Variants in MAGI2 observed in about 807,000 individuals in gnomAD.
MAGI2 encodes membrane-associated guanylate kinase, WW and PDZ domain-containing protein 2.
In MAGI2, 35 loss-of-function variants were observed where a neutral mutation model predicts 133.3. The observed-to-expected ratio is 0.26, with a 90% CI of 0.20 to 0.35. The LOEUF (loss-of-function observed/expected upper bound fraction) is 0.35. Ranked by LOEUF, MAGI2 falls within the 10% of genes least tolerant of loss-of-function variation. MAGI2 has a pLI of 1.00. For synonymous variants in MAGI2, 729 were observed against 710.6 expected (o/e 1.03, Z -0.41); for missense variants, 1,636 against 1,863.4 (o/e 0.88, Z 2.25).
At chr7:79,104,330 G>A (rs1338611324) in intron 1 of MAGI2, among the ~76,000 whole-genome samples, 1 of 152,120 alleles carries the variant, frequency 6.6e-6, no homozygotes, top group Non-Finnish European at 1.5e-5. Flanking sequence ...ATTCTCTAGT[G>A]CTTCAAACAT....
chr7:79,402,461 A>G (rs950496703), intron 1 of MAGI2, among the ~76,000 whole-genome samples: 3 of 152,116 alleles, frequency 2.0e-5, no homozygotes, highest in Non-Finnish European at 4.4e-5. Context: ...TCCTCCTACC[A>G]CTTATTTAAA....
At chr7:79,423,908 GT>G (rs1469767764) in intron 1 of MAGI2, among the ~76,000 whole-genome samples, 2 of 152,164 alleles carry the variant, frequency 1.3e-5, no homozygotes, top group African/African-American at 4.8e-5. Context: ...TCTAGGAAGA[GT>G]TAGGAGGAAG....
At chr7:78,613,813 C>T (rs573189274) in intron 3 of MAGI2, among the ~76,000 whole-genome samples, 33 of 152,010 alleles carry the variant, frequency 2.2e-4, no homozygotes, top group Admixed American at 1.4e-3. Context: ...GCCTCTAAGA[C>T]GAATATATAC....
chr7:78,741,487 T>C (rs1295601193), intron 2 of MAGI2, among the ~76,000 whole-genome samples: 1 of 151,016 alleles, frequency 6.6e-6, no homozygotes, highest in South Asian at 2.1e-4. Context: ...ATCTGGCCTA[T>C]ACTTTAATGA....
intron 1 of MAGI2, chr7:79,415,765 G>A (rs973058650): frequency 1.3e-5 from 2 of 152,086 alleles, no homozygotes; most frequent in East Asian, 3.9e-4. Flanking sequence ...ATTATTTCTT[G>A]TTTCCTCCCT....
chr7:79,040,355 A>G (rs1466447741), intron 1 of MAGI2, among the ~76,000 whole-genome samples: 1 of 151,958 alleles, frequency 6.6e-6, no homozygotes, highest in Non-Finnish European at 1.5e-5. Flanking sequence ...TGTATAAATT[A>G]CCCAGTCTTG....
At chr7:78,448,256 T>G (rs1788356617) in intron 6 of MAGI2, among the ~76,000 whole-genome samples, 1 of 152,106 alleles carries the variant, frequency 6.6e-6, no homozygotes, top group African/African-American at 2.4e-5. Context: ...AAAGTTTTTT[T>G]GACAAGCTGA....
At chr7:78,435,545 A>G (rs1584103018) in intron 6 of MAGI2, among the ~76,000 whole-genome samples, 1 of 152,216 alleles carries the variant, frequency 6.6e-6, no homozygotes, top group East Asian at 1.9e-4. Flanking sequence ...TAAGCCAAGA[A>G]AACAAAACAC....
intron 1 of MAGI2, among the ~76,000 whole-genome samples, chr7:79,022,283 T>C (rs1185656536): frequency 3.3e-5 from 5 of 152,054 alleles, no homozygotes; most frequent in African/African-American, 1.2e-4. Flanking sequence ...GACTTCTGGG[T>C]AAACAATAAA....
chr7:78,549,462 C>T (rs928344518), intron 3 of MAGI2, among the ~76,000 whole-genome samples: 14 of 152,044 alleles, frequency 9.2e-5, no homozygotes, highest in Non-Finnish European at 1.9e-4. Context: ...AGCATCCATC[C>T]AATCTGGAGA....
intron 1 of MAGI2, among the ~76,000 whole-genome samples, chr7:79,160,680 TACATGCC>T (rs57773214): frequency 0.072 from 10,931 of 152,098 alleles, 859 homozygotes; most frequent in African/African-American, 0.19. Context: ...GTAAAGTGGA[TACATGCC>T]ACTGTAAGGT....
At chr7:78,060,386 T>A (rs1267539665) in intron 21 of MAGI2, among the ~76,000 whole-genome samples, 1 of 152,144 alleles carries the variant, frequency 6.6e-6, no homozygotes, top group African/African-American at 2.4e-5. Context: ...AACATCTTGA[T>A]AAACTGCAAG....
chr7:79,210,585 A>C (rs1340405472), intron 1 of MAGI2, among the ~76,000 whole-genome samples: 1 of 152,088 alleles, frequency 6.6e-6, no homozygotes, highest in Non-Finnish European at 1.5e-5. Context: ...AGTACCAGGC[A>C]TCAGTTGGAA....
chr7:78,040,379 G>A (rs6465970), intron 21 of MAGI2, among the ~76,000 whole-genome samples: 17,823 of 152,200 alleles, frequency 0.12, 1,226 homozygotes, highest in South Asian at 0.17. Context: ...GCGCCCCCTG[G>A]CGGCCCCTGG....
chr7:79,051,099 A>G (rs1562833432), intron 1 of MAGI2, among the ~76,000 whole-genome samples: 1 of 152,228 alleles, frequency 6.6e-6, no homozygotes, highest in Non-Finnish European at 1.5e-5. Context: ...CTTTTTTACC[A>G]AGTAGTTTGA....
chr7:78,256,540 G>A lies in MAGI2; in HGVS notation c.1450C>T (p.His484Tyr), dbSNP rs192513758. The change falls in exon 10 of 22, where the codon CAC becomes TAC. Residue 484 changes from histidine to tyrosine, a missense_variant. Physicochemically the swap from His to Tyr is moderately conservative, Grantham distance 83. Transcript: ENST00000354212. ...VYINEVCVLG[H>Y]THADVVKLFQ... The stretch of plus-strand genomic sequence containing the variant: ...AGTTTGACAACATCTGCATGAGTGT[G>A]TCCAAGGACACAAACTTCATTAATA... 7 of 1,613,674 alleles carry A rather than the reference G, an allele frequency of 4.3e-6. No homozygotes were observed. In the East Asian group the frequency reaches 1.6e-4, roughly 36 times the overall value.
chr7:79,014,479 A>T (rs2116619021), intron 1 of MAGI2, among the ~76,000 whole-genome samples: 1 of 152,314 alleles, frequency 6.6e-6, no homozygotes, highest in East Asian at 1.9e-4. Flanking sequence ...GTCTAATAAG[A>T]GCATATATCC....
rs148751611 is a variant in MAGI2 at position 78,684,948 on chromosome 7, A to T, written c.419-57709T>A. Among the ~76,000 whole-genome samples, 75 of 152,344 alleles carry T rather than the reference A, an allele frequency of 4.9e-4. 1 individual carries two copies. In the East Asian group the frequency reaches 0.014, roughly 28 times the overall value. ...TACTATAATATTGTATTTTTAACAT[A>T]CAGAGGAGCCTGTGGTACCAATACA... On this transcript the variant is annotated intron_variant, in intron 2 of 21. Coordinates refer to ENST00000354212, the MANE Select transcript of MAGI2 (RefSeq NM_012301.4).
intron 2 of MAGI2, among the ~76,000 whole-genome samples, chr7:78,664,118 A>G (rs1186647759): frequency 6.6e-6 from 1 of 152,202 alleles, no homozygotes; most frequent in East Asian, 1.9e-4. Context: ...CATAGAGTCT[A>G]TTAGTCCACC....
Sources: gnomAD v4.1 joint callset for allele counts (sites outside exome capture counted in the v4.1 genomes callset) on GRCh38, gnomAD v4.1.1 for gene constraint, MANE v1.5 for transcripts, NCBI Gene and HGNC (gene_info 2026-07-23, HGNC 2026-07-21) for gene names.